PTH2R: variants seen among roughly 807,000 people sequenced by gnomAD.
PTH2R encodes parathyroid hormone 2 receptor, also known as PTH2 receptor.
In PTH2R, 59 loss-of-function variants were observed where a neutral mutation model predicts 60.3. The observed-to-expected ratio is 0.98, with a 90% CI of 0.79 to 1.22. PTH2R has a LOEUF of 1.22. Among genes scored for constraint, PTH2R ranks in the 50% most tolerant of loss-of-function variants. The pLI is 0.00. For missense variants in PTH2R, 749 were observed against 682.6 expected (o/e 1.10, Z -1.08); for synonymous variants, 256 against 243.8 (o/e 1.05, Z -0.47).
At chr2:208,430,472 T>C (rs1701946611) in intron 2 of PTH2R, among the ~76,000 whole-genome samples, 1 of 152,084 alleles carries the variant, frequency 6.6e-6, no homozygotes, top group Non-Finnish European at 1.5e-5. Context: ...TTTTTTTTTT[T>C]TCTAGCTTCC....
chr2:208,407,196 G>A, intron 1 of PTH2R, 78 bp downstream of exon 1: 2 of 1,248,510 alleles, frequency 1.6e-6, no homozygotes, highest in South Asian at 2.2e-5. Context: ...CGGAGGCCAG[G>A]TGCGCGCGAG....
intron 8 of PTH2R, among the ~76,000 whole-genome samples, chr2:208,456,207 A>C (rs1702511405): frequency 6.6e-6 from 1 of 151,922 alleles, no homozygotes; most frequent in African/African-American, 2.4e-5. Flanking sequence ...ACGCCACTGC[A>C]CTCCAGCCTG....
chr2:208,417,001 G>C (rs1701654089), intron 1 of PTH2R, among the ~76,000 whole-genome samples: 1 of 152,036 alleles, frequency 6.6e-6, no homozygotes, highest in African/African-American at 2.4e-5. Flanking sequence ...TGTCCCTCTA[G>C]AGATCCTTGA....
chr2:208,490,305 C>T (rs1174495188), intron 11 of PTH2R, among the ~76,000 whole-genome samples: 1 of 152,058 alleles, frequency 6.6e-6, no homozygotes, highest in Non-Finnish European at 1.5e-5. Flanking sequence ...TCAGCATTTA[C>T]AGCTTATAAC....
intron 1 of PTH2R, among the ~76,000 whole-genome samples, chr2:208,381,055 G>A (rs1373767241): frequency 6.6e-6 from 1 of 152,002 alleles, no homozygotes; most frequent in Non-Finnish European, 1.5e-5. Context: ...CACACAATCT[G>A]TCTCACTTTC....
At chr2:208,376,055 G>A (rs1286538054) in intron 1 of PTH2R, among the ~76,000 whole-genome samples, 1 of 152,084 alleles carries the variant, frequency 6.6e-6, no homozygotes, top group Non-Finnish European at 1.5e-5. Flanking sequence ...CCTGGGCATG[G>A]CCTTTTATTT....
intron 9 of PTH2R, among the ~76,000 whole-genome samples, chr2:208,477,811 A>C (rs1361021786): frequency 6.6e-6 from 1 of 151,472 alleles, no homozygotes; most frequent in African/African-American, 2.4e-5. Context: ...TCCTACATGA[A>C]GTTTACATGA....
In PTH2R at chr2:208,363,871, T is replaced by C. The variant is rs189390565; in HGVS notation, c.-259+3634T>C. On this transcript the variant is annotated intron_variant, in intron 1 of 12. Coordinates refer to the PTH2R transcript ENST00000617735. ...CACTTTTTAATGGGCTTGTTTGTTTTTTGCTTGTTAATTTAAGTTTCATGT... is the reference window on the plus strand; with the variant it reads ...CACTTTTTAATGGGCTTGTTTGTTTCTTGCTTGTTAATTTAAGTTTCATGT... 4.6e-5 allele frequency among the ~76,000 whole-genome samples: 7 copies of C among 152,290 alleles called. No individual in the cohort carries two copies. In the East Asian group the frequency reaches 1.4e-3, roughly 29 times the overall value.
intron 1 of PTH2R, among the ~76,000 whole-genome samples, chr2:208,387,969 G>T (rs185496343): frequency 2.9e-4 from 44 of 152,242 alleles, no homozygotes; most frequent in Admixed American, 4.6e-4. Flanking sequence ...GAGGAGGTAG[G>T]CTAAACAGTT....
At chr2:208,409,420 A>G (rs1701494425) in intron 1 of PTH2R, among the ~76,000 whole-genome samples, 1 of 152,252 alleles carries the variant, frequency 6.6e-6, no homozygotes, top group Non-Finnish European at 1.5e-5. Flanking sequence ...TACTTCAAAT[A>G]TCAATTGCTG....
intron 9 of PTH2R, among the ~76,000 whole-genome samples, chr2:208,474,068 G>A (rs1286524290): frequency 1.3e-5 from 2 of 152,160 alleles, no homozygotes; most frequent in African/African-American, 4.8e-5. Context: ...GTTGGTAGTT[G>A]TGTGAACAAG....
In PTH2R at chr2:208,449,772, A is replaced by T. The variant is rs547286076; in HGVS notation, c.854-977A>T. Among the ~76,000 whole-genome samples the T allele has an allele frequency of 9.9e-5, 15 of 152,276 alleles. 3 individuals carry two copies. The highest frequency in any genetic ancestry group is 2.9e-4 in the African/African-American group (12 of 41,572). On this transcript the variant is annotated intron_variant, in intron 7 of 12. Coordinates refer to ENST00000272847, the MANE Select transcript of PTH2R (RefSeq NM_005048.4). ...TCACTTTGTTGCTAAGAAAGAATAT[A>T]AAAAAATTACAATTTTTTTAAAGGT...
chr2:208,488,563 A>G (rs1703325043), intron 10 of PTH2R, among the ~76,000 whole-genome samples: 1 of 152,146 alleles, frequency 6.6e-6, no homozygotes, highest in African/African-American at 2.4e-5. Context: ...AGGGGCTAGC[A>G]ATTACAGGGA....
upstream of PTH2R, among the ~76,000 whole-genome samples, chr2:208,404,757 C>T (rs182029716): frequency 4.3e-3 from 653 of 152,102 alleles, 5 homozygotes; most frequent in African/African-American, 0.014. Flanking sequence ...AGATGTACCC[C>T]GAGAAGTACC....
intron 1 of PTH2R, among the ~76,000 whole-genome samples, chr2:208,424,094 A>G (rs959127771): frequency 1.6e-4 from 25 of 152,132 alleles, no homozygotes; most frequent in African/African-American, 5.8e-4. Context: ...ACTCTCCACT[A>G]GGTCTTCTCT....
At chr2:208,481,869 T>C (rs961609129) in intron 10 of PTH2R, among the ~76,000 whole-genome samples, 1 of 152,198 alleles carries the variant, frequency 6.6e-6, no homozygotes, top group African/African-American at 2.4e-5. Flanking sequence ...AATATGCAAA[T>C]ATATTGACTG....
chr2:208,382,762 G>A (rs1700939228), intron 1 of PTH2R, among the ~76,000 whole-genome samples: 1 of 152,166 alleles, frequency 6.6e-6, no homozygotes, highest in African/African-American at 2.4e-5. Context: ...TGTACTTACG[G>A]ACTCCTGCGT....
chr2:208,389,153 C>G (rs558381693), intron 1 of PTH2R, among the ~76,000 whole-genome samples: 1 of 151,596 alleles, frequency 6.6e-6, no homozygotes, highest in Non-Finnish European at 1.5e-5. Flanking sequence ...TTTCTAACAA[C>G]ATATTTTCCA....
At chr2:208,365,962 T>TATATATATATA (rs1559198853) in intron 1 of PTH2R, among the ~76,000 whole-genome samples, 1 of 12,506 alleles carries the variant, frequency 8.0e-5, no homozygotes, top group Non-Finnish European at 1.3e-4. Flanking sequence ...ATATATATAT[T>TATATATATATA]TTTTTTTTTT....
Sources: gnomAD v4.1 joint callset for allele counts (sites outside exome capture counted in the v4.1 genomes callset) on GRCh38, gnomAD v4.1.1 for gene constraint, MANE v1.5 for transcripts, NCBI Gene and HGNC (gene_info 2026-07-23, HGNC 2026-07-21) for gene names.